Variants in OXR1 observed in about 807,000 individuals in gnomAD.
OXR1 encodes oxidation resistance protein 1.
A neutral mutation model predicts 104.6 loss-of-function variants in OXR1; 41 were observed. The ratio of observed to expected loss-of-function variants is 0.39; its 90% CI spans 0.31 to 0.51. OXR1 has a LOEUF of 0.51. OXR1 is among the 20% of genes least tolerant of loss of function. The probability of loss-of-function intolerance (pLI) is 0.77; values close to 1 mark genes in which losing one functional copy is unlikely to be tolerated. For missense variants in OXR1, 955 were observed against 1,031.9 expected (o/e 0.93, Z 1.02); for synonymous variants, 348 against 348.4 (o/e 1.00, Z 0.01).
chr8:106,538,418 T>A (rs1224484356), intron 3 of OXR1, among the ~76,000 whole-genome samples: 1 of 152,234 alleles, frequency 6.6e-6, no homozygotes, highest in Non-Finnish European at 1.5e-5. Flanking sequence ...TATGAAAACA[T>A]GTTCGATTTC....
At chr8:106,712,175 A>G (rs901960887) in intron 10 of OXR1, among the ~76,000 whole-genome samples, 3 of 146,344 alleles carry the variant, frequency 2.0e-5, no homozygotes, top group African/African-American at 8.1e-5. Flanking sequence ...AATTATTTAA[A>G]CTTGTTTCTA....
chr8:106,737,555 T>A lies in OXR1; in HGVS notation c.1992T>A (p.Asp664Glu). Reference sequence around the variant, plus strand: ...TGGCTGAGTATCACCGCAGGATCGATGCTCTAAATACTGAAGAACTGCGCA... The same window carrying A: ...TGGCTGAGTATCACCGCAGGATCGAAGCTCTAAATACTGAAGAACTGCGCA... ...VSVAEYHRRIDALNTEELRTL... is the reference protein window; with the variant it reads ...VSVAEYHRRIEALNTEELRTL... Residue 664 changes from aspartate to glutamate, a missense_variant, in exon 12 of 17, where the codon GAT becomes GAA. Asp to Glu is a conservative substitution (Grantham distance 45). This residue lies in a region of OXR1 where 849 missense variants were observed against 852.9 expected (regional missense o/e 1.00). Transcript: ENST00000517566. 7.0e-7 allele frequency: 1 copy of A among 1,434,830 alleles called. No homozygotes were observed. Among genetic ancestry groups the A allele is most frequent in the Non-Finnish European group, 9.2e-7 (1 of 1,087,582 alleles). The allele number at this position is 1,434,830 out of a possible 1,614,324, so 88.9% of individuals were successfully genotyped here.
At chr8:106,596,792 C>T (rs12114627) in intron 3 of OXR1, among the ~76,000 whole-genome samples, 3,492 of 152,046 alleles carry the variant, frequency 0.023, 136 homozygotes, top group African/African-American at 0.08. Flanking sequence ...CGGTGGCTCA[C>T]GCCTGTAATC....
chr8:106,510,833 A>G (rs1189420209), intron 2 of OXR1, among the ~76,000 whole-genome samples: 1 of 152,212 alleles, frequency 6.6e-6, no homozygotes, highest in Non-Finnish European at 1.5e-5. Context: ...AGGGTTAGAA[A>G]CACATCTTGT....
At chr8:106,577,639 C>T (rs1332261670) in intron 3 of OXR1, among the ~76,000 whole-genome samples, 2 of 152,042 alleles carry the variant, frequency 1.3e-5, no homozygotes, top group East Asian at 1.9e-4. Context: ...ATCCACCTTC[C>T]TCGGCTTCCC....
At chr8:106,659,765 C>T (rs569964441) in intron 3 of OXR1, among the ~76,000 whole-genome samples, 32 of 152,282 alleles carry the variant, frequency 2.1e-4, no homozygotes, top group African/African-American at 7.0e-4. Context: ...GAGGCTGGGG[C>T]GGGAAGATCC....
intron 11 of OXR1, among the ~76,000 whole-genome samples, chr8:106,729,094 T>C (rs1273024651): frequency 6.6e-6 from 1 of 152,162 alleles, no homozygotes; most frequent in East Asian, 1.9e-4. Flanking sequence ...ATAAAAATAA[T>C]TACTTGTACT....
intron 3 of OXR1, among the ~76,000 whole-genome samples, chr8:106,604,219 T>C (rs1011494319): frequency 6.6e-6 from 1 of 152,182 alleles, no homozygotes; most frequent in East Asian, 1.9e-4. Flanking sequence ...AATCTTTAAA[T>C]ATATTTTCAA....
intron 3 of OXR1, among the ~76,000 whole-genome samples, chr8:106,665,199 TCACA>T (rs139048099): frequency 6.6e-6 from 1 of 150,796 alleles, no homozygotes; most frequent in Non-Finnish European, 1.5e-5. Context: ...CAGGGCACAG[TCACA>T]CACACACACA....
intron 2 of OXR1, among the ~76,000 whole-genome samples, chr8:106,499,019 G>A (rs1433144872): frequency 3.0e-5 from 2 of 65,944 alleles, no homozygotes; most frequent in Non-Finnish European, 6.8e-5. Flanking sequence ...AAAATTAGCC[G>A]GGCGCGGTGG....
rs138556883 is a variant in OXR1, at chr8:106,462,369, C to T, written c.24-56574C>T. On this transcript the variant is annotated intron_variant, in intron 2 of 16. Coordinates refer to ENST00000517566, the MANE Select transcript of OXR1 (RefSeq NM_001198533.2). ...ATGTTGTTCCTCTTAATTGCTCTTT[C>T]TGCATTGAATATGTTAGTTTGTTTT... is the stretch of plus-strand genomic sequence containing the variant. Among the ~76,000 whole-genome samples, 452 of 152,270 alleles carry T rather than the reference C, an allele frequency of 3.0e-3. 1 individual carries two copies. Among genetic ancestry groups the T allele is most frequent in the Admixed American group, 4.4e-3 (67 of 15,278 alleles).
At chr8:106,351,396 G>A (rs1230763441) in intron 1 of OXR1, among the ~76,000 whole-genome samples, 4 of 152,156 alleles carry the variant, frequency 2.6e-5, no homozygotes, top group African/African-American at 9.7e-5. Flanking sequence ...ACATAATGAC[G>A]ATTAGGCAAG....
intron 11 of OXR1, among the ~76,000 whole-genome samples, chr8:106,718,998 A>G (rs1832578021): frequency 6.6e-6 from 1 of 152,210 alleles, no homozygotes; most frequent in Non-Finnish European, 1.5e-5. Context: ...CAAATAAAAG[A>G]AATATGCATT....
intron 11 of OXR1, among the ~76,000 whole-genome samples, chr8:106,737,150 C>A (rs934996525): frequency 6.6e-6 from 1 of 152,160 alleles, no homozygotes; most frequent in South Asian, 2.1e-4. Context: ...GAAACTACCA[C>A]TTCCTTTGTA....
At chr8:106,498,718 T>TTA in intron 2 of OXR1, among the ~76,000 whole-genome samples, 1 of 152,166 alleles carries the variant, frequency 6.6e-6, no homozygotes, top group Non-Finnish European at 1.5e-5. Context: ...ACATGATGCA[T>TTA]CTGGGCACTC....
chr8:106,583,660 T>C (rs1053851340), intron 3 of OXR1, among the ~76,000 whole-genome samples: 8 of 152,176 alleles, frequency 5.3e-5, no homozygotes, highest in African/African-American at 9.6e-5. Flanking sequence ...CCAAGAAAGC[T>C]AATGCTAACA....
At chr8:106,428,943 C>A (rs1391622096) in intron 2 of OXR1, among the ~76,000 whole-genome samples, 1 of 152,176 alleles carries the variant, frequency 6.6e-6, no homozygotes, top group Non-Finnish European at 1.5e-5. Context: ...GGAACCCCCA[C>A]ACCAATGCTT....
chr8:106,667,827 A>C (rs1279761759), intron 3 of OXR1, among the ~76,000 whole-genome samples: 1 of 152,152 alleles, frequency 6.6e-6, no homozygotes, highest in African/African-American at 2.4e-5. Context: ...CTGCCAAGTA[A>C]TGTACATCAC....
rs1162944663 is a variant in OXR1, at chr8:106,434,477, GC to G, written c.23+74842del. The stretch of plus-strand genomic sequence containing the variant: ...ATGGACAGTTTCCAAAAGAATAGTA[GC>G]TTTTATGTGCTCTGAAGAAGCATAC... On this transcript the variant is annotated intron_variant, in intron 2 of 16. Coordinates refer to ENST00000517566, the MANE Select transcript of OXR1 (RefSeq NM_001198533.2). 2.6e-5 allele frequency among the ~76,000 whole-genome samples: 4 copies of G among 152,248 alleles called. No individual in the cohort carries two copies. In the East Asian group the frequency reaches 5.8e-4, roughly 22 times the overall value.
Sources: gnomAD v4.1 joint callset for allele counts (sites outside exome capture counted in the v4.1 genomes callset) on GRCh38, gnomAD v4.1.1 for gene constraint, gnomAD v4.1.1 regional missense constraint, MANE v1.5 for transcripts, NCBI Gene and HGNC (gene_info 2026-07-23, HGNC 2026-07-21) for gene names.